The following ZNF674 variants were observed in gnomAD, a reference collection of about 807,000 sequenced individuals.
The protein encoded by ZNF674 is zinc finger protein 674.
A neutral mutation model predicts 7.0 loss-of-function variants in ZNF674; 2 were observed. That is an observed-to-expected ratio of 0.29 (90% CI 0.12 to 0.90). The LOEUF (loss-of-function observed/expected upper bound fraction) is 0.90, where lower values mean the gene tolerates loss of function less well. Among genes scored for constraint, ZNF674 ranks in the 40% least tolerant of loss-of-function variants. The pLI is 0.57. For missense variants in ZNF674, 297 were observed against 415.5 expected (o/e 0.71, Z 2.48); for synonymous variants, 103 against 145.2 (o/e 0.71, Z 2.09).
chrX:46,514,773 T>C (rs1941730927), intron 5 of ZNF674, among the ~76,000 whole-genome samples: 1 of 112,049 alleles, frequency 8.9e-6, no homozygotes, highest in Non-Finnish European at 1.9e-5. Flanking sequence ...GGGCCAGAGA[T>C]GGCCTAGGTG....
chrX:46,516,513 G>A (rs1188377553), intron 5 of ZNF674, among the ~76,000 whole-genome samples: 1 of 112,245 alleles, frequency 8.9e-6, no homozygotes, highest in Non-Finnish European at 1.9e-5. Flanking sequence ...ACTAACACCT[G>A]AGTGACAAAT....
intron 5 of ZNF674, among the ~76,000 whole-genome samples, chrX:46,520,194 G>T (rs1348196938): frequency 1.8e-5 from 2 of 110,847 alleles, no homozygotes; most frequent in Non-Finnish European, 3.8e-5. Context: ...TTGAGGTCAG[G>T]AGTTCGAGAC....
chrX:46,537,128 G>C (rs1387351375), intron 3 of ZNF674, among the ~76,000 whole-genome samples: 1 of 110,808 alleles, frequency 9.0e-6, no homozygotes, highest in Admixed American at 9.7e-5. Context: ...AAAATTAGCT[G>C]GGCCTGGTGG....
intron 5 of ZNF674, among the ~76,000 whole-genome samples, chrX:46,516,407 T>G (rs1941767100): frequency 8.9e-6 from 1 of 112,227 alleles, no homozygotes; most frequent in Non-Finnish European, 1.9e-5. Context: ...ACAGAAGTCC[T>G]GAGTTCATCC....
intron 5 of ZNF674, among the ~76,000 whole-genome samples, chrX:46,514,376 G>A (rs1941722170): frequency 1.8e-5 from 2 of 111,280 alleles, no homozygotes; most frequent in Admixed American, 1.9e-4. Flanking sequence ...GGTGAACTGT[G>A]GGTCTTACTC....
At chrX:46,543,099 C>T (rs1169560977) in intron 2 of ZNF674, among the ~76,000 whole-genome samples, 2 of 111,059 alleles carry the variant, frequency 1.8e-5, no homozygotes, top group African/African-American at 6.5e-5. Context: ...TATAGGCATG[C>T]ACCAACATGC....
At chrX:46,510,510 C>T (rs917314295) in intron 5 of ZNF674, among the ~76,000 whole-genome samples, 4 of 111,801 alleles carry the variant, frequency 3.6e-5, no homozygotes, top group Non-Finnish European at 5.6e-5. Context: ...CTTATTAGGC[C>T]GGGTGTGGTG....
rs374945690 is a variant in ZNF674, at chrX:46,500,847, C to T, written c.727G>A (p.Gly243Arg). 118 of 1,182,781 alleles carry T rather than the reference C, an allele frequency of 1.0e-4. No homozygotes were observed. The African/African-American group carries it at 1.3e-3, about 13-fold the overall frequency. ...NLVVHQRTHT[G>R]EKPYECCECA... ...TCGCAGCATTCATAAGGTTTCTCTCCGGTGTGAGTTCTTTGATGTACAACT... is the reference window on the plus strand; with the variant it reads ...TCGCAGCATTCATAAGGTTTCTCTCTGGTGTGAGTTCTTTGATGTACAACT... The change falls in exon 6 of 6, where the codon GGA becomes AGA. Residue 243 changes from glycine to arginine, a missense_variant. Transcript: ENST00000683375.
chrX:46,538,540 G>A (rs1942239451), intron 3 of ZNF674, among the ~76,000 whole-genome samples: 1 of 111,636 alleles, frequency 9.0e-6, no homozygotes, highest in Non-Finnish European at 1.9e-5. Context: ...CAAGAGAAAA[G>A]GAGGCAAATG....
chrX:46,502,713 T>C (rs1198888853), intron 5 of ZNF674, among the ~76,000 whole-genome samples: 1 of 111,987 alleles, frequency 8.9e-6, no homozygotes. Flanking sequence ...GTGTGCTCTG[T>C]GTTCATGATA....
intron 3 of ZNF674, among the ~76,000 whole-genome samples, chrX:46,539,578 C>A (rs756619336): frequency 9.2e-4 from 104 of 112,942 alleles, no homozygotes; most frequent in Non-Finnish European, 1.5e-3. Context: ...AAATACCAAG[C>A]AGTTGCTTTT....
At position 46,508,323 on chromosome X, in the gene ZNF674, AGT is replaced by A. The variant is rs750088933; in HGVS notation, c.239-6990_239-6989del. ...AAAATTACAAGAAGGAAAAGTACTC[AGT>A]TTATTTTATGCAGCTAGTATAACCT... On this transcript the variant is annotated intron_variant, in intron 5 of 5. Transcript: ENST00000683375. Among the ~76,000 whole-genome samples, 19 of 112,064 alleles carry A rather than the reference AGT, an allele frequency of 1.7e-4. No homozygotes were observed. In the East Asian group the frequency reaches 3.9e-3, roughly 23 times the overall value.
intron 3 of ZNF674, 114 bp downstream of exon 3, chrX:46,541,959 G>T: frequency 1.5e-6 from 1 of 667,267 alleles, no homozygotes; most frequent in South Asian, 2.5e-5. Context: ...AGGACAAGTT[G>T]AACAGAAAAC....
At chrX:46,515,242 G>A (rs950712551) in intron 5 of ZNF674, among the ~76,000 whole-genome samples, 14 of 109,835 alleles carry the variant, frequency 1.3e-4, no homozygotes, top group African/African-American at 4.3e-4. Flanking sequence ...GGTGGTGTAC[G>A]CCTGTAATCC....
chrX:46,513,628 G>A (rs1312272007), intron 5 of ZNF674, among the ~76,000 whole-genome samples: 1 of 112,165 alleles, frequency 8.9e-6, no homozygotes, highest in Non-Finnish European at 1.9e-5. Context: ...AATTTGACAT[G>A]ATGTTAAAAC....
chrX:46,533,126 A>G (rs1227572699), intron 3 of ZNF674, among the ~76,000 whole-genome samples: 3 of 111,463 alleles, frequency 2.7e-5, no homozygotes, highest in Non-Finnish European at 5.6e-5. Flanking sequence ...GAACTCCCCA[A>G]TTACTCCCGC....
At chrX:46,517,520 A>G (rs762103353) in intron 5 of ZNF674, among the ~76,000 whole-genome samples, 1 of 111,790 alleles carries the variant, frequency 8.9e-6, no homozygotes, top group South Asian at 3.7e-4. Flanking sequence ...AACTCAAAAG[A>G]AACACCAGAA....
intron 5 of ZNF674, among the ~76,000 whole-genome samples, chrX:46,521,822 G>C (rs949894115): frequency 9.1e-6 from 1 of 109,323 alleles, no homozygotes; most frequent in Non-Finnish European, 1.9e-5. Context: ...CCAGGAGGCA[G>C]AGGCTGCAGT....
chrX:46,545,011 T>G (rs1942353525), intron 1 of ZNF674, among the ~76,000 whole-genome samples: 1 of 111,662 alleles, frequency 9.0e-6, no homozygotes, highest in Admixed American at 9.5e-5. Flanking sequence ...AAAGGATTCC[T>G]CGGGTTTGCT....
Sources: gnomAD v4.1 joint callset for allele counts (sites outside exome capture counted in the v4.1 genomes callset) on GRCh38, gnomAD v4.1.1 for gene constraint, MANE v1.5 for transcripts, NCBI Gene and HGNC (gene_info 2026-07-23, HGNC 2026-07-21) for gene names.